The following CDH23 variants were observed in gnomAD, a reference collection of about 807,000 sequenced individuals.
CDH23 encodes the protein cadherin-23.
In CDH23, 189 loss-of-function variants were observed where a neutral mutation model predicts 317.1. The observed-to-expected ratio is 0.60, with a 90% CI of 0.53 to 0.67. CDH23 has a LOEUF of 0.67. Among genes scored for constraint, CDH23 ranks in the 30% least tolerant of loss-of-function variants. The pLI, the probability that CDH23 is intolerant of heterozygous loss-of-function variation, is 0.00. For synonymous variants in CDH23, 1,839 were observed against 1,876.8 expected (o/e 0.98, Z 0.52); for missense variants, 4,401 against 4,592.4 (o/e 0.96, Z 1.20).
chr10:71,586,689 C>T (rs949879426), intron 9 of CDH23, among the ~76,000 whole-genome samples: 8 of 152,194 alleles, frequency 5.3e-5, no homozygotes, highest in Admixed American at 2.6e-4. Flanking sequence ...TCCAGAACCA[C>T]ATATTTGAAT....
At chr10:71,613,916 T>G (rs968951439) in intron 9 of CDH23, among the ~76,000 whole-genome samples, 2 of 152,246 alleles carry the variant, frequency 1.3e-5, no homozygotes, top group South Asian at 2.1e-4. Flanking sequence ...ACAACACTAC[T>G]GAGTCCTTAT....
chr10:71,718,386 C>T (rs1468651195), intron 28 of CDH23, among the ~76,000 whole-genome samples: 2 of 152,040 alleles, frequency 1.3e-5, no homozygotes, highest in Non-Finnish European at 2.9e-5. Context: ...CCCCTCCCAG[C>T]ACTTCCAGGC....
At position 71,566,929 on chromosome 10, in the gene CDH23, A is replaced by C. The variant is rs528880720; in HGVS notation, c.617A>C (p.Asn206Thr). ...ACACAGGCCTACCAGCTCACGGTCA[A>C]CGCCACAGTGAGTCTCCATGCTGGG... ...ETTQAYQLTV[N>T]ATDQDKTRPL... The change falls in exon 7 of 70, where the codon AAC becomes ACC. Residue 206 changes from asparagine (N) to threonine (T), a missense_variant. This residue lies in a region of CDH23 where 3,068 missense variants were observed against 3,203.3 expected (regional missense o/e 0.96). Coordinates refer to ENST00000224721, the MANE Select transcript of CDH23 (RefSeq NM_022124.6). The C allele has an allele frequency of 2.7e-5, 44 of 1,612,238 alleles. No individual in the cohort carries two copies. In the East Asian group the frequency reaches 9.8e-4, roughly 36 times the overall value.
chr10:71,780,025 G>T (rs894409669), intron 41 of CDH23, among the ~76,000 whole-genome samples: 4 of 152,242 alleles, frequency 2.6e-5, no homozygotes, highest in East Asian at 1.9e-4. Context: ...GTGTAGGAAA[G>T]AATCAGGAGC....
At chr10:71,789,106 T>C (rs1374422395) in intron 45 of CDH23, 64 bp downstream of exon 45, 2 of 822,544 alleles carry the variant, frequency 2.4e-6, no homozygotes, top group East Asian at 4.9e-5. Context: ...CTGGGATGCC[T>C]GAGGACCTCC....
Position 71,790,556 on chromosome 10 carries a change from T to G in CDH23, c.6049+143T>G. ...TTTTTCACAGCCCAGAGTCCCCATC[T>G]TGCAGCTGGGTTATATCACCCAGTG... is the stretch of plus-strand genomic sequence containing the variant. On this transcript the variant is annotated intron_variant, in intron 46 of 69. Transcript: ENST00000224721. 8.7e-6 allele frequency: 10 copies of G among 1,149,894 alleles called. No individual in the cohort carries two copies. In the South Asian group the frequency reaches 1.4e-4, roughly 16 times the overall value. The allele number at this position is 1,149,894 out of a possible 1,614,324, so 71.2% of individuals were successfully genotyped here.
chr10:71,801,645 A>G (rs1383262201), intron 53 of CDH23, among the ~76,000 whole-genome samples: 1 of 152,002 alleles, frequency 6.6e-6, no homozygotes, highest in Non-Finnish European at 1.5e-5. Flanking sequence ...TGGCAGGCCT[A>G]TCTTTCTGTA....
Position 71,790,332 on chromosome 10 carries a change from G to T in CDH23, c.5968G>T (p.Ala1990Ser), listed in dbSNP as rs775128556. Residue 1990 changes from alanine to serine, a missense_variant, in exon 46 of 70, where the codon GCA becomes TCA. Ala to Ser is a moderately conservative substitution (Grantham distance 99). Coordinates refer to ENST00000224721, the MANE Select transcript of CDH23 (RefSeq NM_022124.6). ...CAATGGGCCCATCCTGGCCCTGGAT[G>T]CAGACCAAGACATCTACGCCGTGGT... Reference protein sequence around the residue: ...VLNGPILALDADQDIYAVVTY... With the variant: ...VLNGPILALDSDQDIYAVVTY... 8.7e-6 allele frequency: 14 copies of T among 1,613,798 alleles called. No individual in the cohort carries two copies. Among genetic ancestry groups the T allele is most frequent in the African/African-American group, 1.3e-5 (1 of 74,946 alleles).
At chr10:71,557,258 T>A (rs1432670444) in intron 6 of CDH23, among the ~76,000 whole-genome samples, 1 of 152,264 alleles carries the variant, frequency 6.6e-6, no homozygotes, top group Non-Finnish European at 1.5e-5. Context: ...TTTTTTTGTT[T>A]GTTTCTTAGT....
chr10:71,689,605 G>A (rs947880077), intron 19 of CDH23, among the ~76,000 whole-genome samples: 4 of 152,204 alleles, frequency 2.6e-5, no homozygotes, highest in African/African-American at 4.8e-5. Context: ...TGATTCATCC[G>A]CTGGATGGTC....
At chr10:71,532,594 C>A (rs930036943) in intron 6 of CDH23, among the ~76,000 whole-genome samples, 1 of 152,152 alleles carries the variant, frequency 6.6e-6, no homozygotes, top group Admixed American at 6.6e-5. Flanking sequence ...CCCTCTGGGG[C>A]TGGATGGAGA....
intron 38 of CDH23, among the ~76,000 whole-genome samples, chr10:71,746,436 G>A (rs1839854852): frequency 6.6e-6 from 1 of 152,208 alleles, no homozygotes; most frequent in Non-Finnish European, 1.5e-5. Flanking sequence ...ACCCGAACTC[G>A]GAACAGCTGT....
intron 3 of CDH23, among the ~76,000 whole-genome samples, chr10:71,478,458 C>T (rs1851903827): frequency 6.6e-6 from 1 of 152,246 alleles, no homozygotes; most frequent in African/African-American, 2.4e-5. Flanking sequence ...CCTGCACTGC[C>T]ATGGCCCCTT....
At chr10:71,498,476 G>A (rs1853095346) in intron 3 of CDH23, among the ~76,000 whole-genome samples, 1 of 152,230 alleles carries the variant, frequency 6.6e-6, no homozygotes, top group African/African-American at 2.4e-5. Context: ...GGAGAAGTGT[G>A]CAGTGTGATA....
At chr10:71,613,490 T>C (rs540610052) in intron 9 of CDH23, among the ~76,000 whole-genome samples, 18 of 152,312 alleles carry the variant, frequency 1.2e-4, no homozygotes, top group Non-Finnish European at 1.9e-4. Context: ...TGTCTGCAGC[T>C]TCTGCCTGGC....
In CDH23 at chr10:71,483,585, G is replaced by A. The variant is rs551659173; in HGVS notation, c.146-26497G>A. Among the ~76,000 whole-genome samples, 122 of 152,238 alleles carry A rather than the reference G, an allele frequency of 8.0e-4. 1 individual carries two copies. The highest frequency in any genetic ancestry group is 2.6e-3 in the Admixed American group (40 of 15,300). Reference sequence around the variant, plus strand: ...CCCACTAGCTCCCACGTGCAAGTGCGTCTTAATCACTGCAGTCATGGGATG... The same window carrying A: ...CCCACTAGCTCCCACGTGCAAGTGCATCTTAATCACTGCAGTCATGGGATG... On this transcript the variant is annotated intron_variant, in intron 3 of 69. Coordinates refer to ENST00000224721, the MANE Select transcript of CDH23 (RefSeq NM_022124.6).
intron 9 of CDH23, among the ~76,000 whole-genome samples, chr10:71,593,961 T>C (rs1248319148): frequency 6.6e-6 from 1 of 152,126 alleles, no homozygotes; most frequent in East Asian, 1.9e-4. Flanking sequence ...TCCATGGGTG[T>C]GGTAACCCAT....
chr10:71,786,647 G>A (rs1368656004), intron 44 of CDH23, among the ~76,000 whole-genome samples: 5 of 152,000 alleles, frequency 3.3e-5, no homozygotes, highest in East Asian at 1.9e-4. Context: ...ACATGCACAC[G>A]CCACCTTGCC....
Position 71,812,794 on chromosome 10 carries a change from T to A in CDH23, c.9537T>A (p.Ala3179=). The change falls in exon 68 of 70, where the codon GCT becomes GCA. Residue 3179 remains alanine (A), a synonymous_variant. Coordinates refer to ENST00000224721, the MANE Select transcript of CDH23 (RefSeq NM_022124.6). ...THGTFGREPA[A]VKPDDDRYLR... ...GAACTTTTGGGCGTGAGCCAGCAGC[T>A]GTCAAGCCTGATGATGACCGATACC... 1 of 1,613,390 alleles carries A rather than the reference T, an allele frequency of 6.2e-7. No individual in the cohort carries two copies. The highest frequency in any genetic ancestry group is 8.5e-7 in the Non-Finnish European group (1 of 1,179,598).
Sources: allele counts gnomAD v4.1 joint callset (sites outside exome capture counted in the v4.1 genomes callset), GRCh38; gene constraint gnomAD v4.1.1; regional missense constraint gnomAD v4.1.1; transcripts MANE v1.5; gene names NCBI Gene and HGNC (gene_info 2026-07-23, HGNC 2026-07-21).